FAM171B: variants seen among roughly 807,000 people sequenced by gnomAD.
The protein encoded by FAM171B is protein FAM171B.
FAM171B carries 19 observed loss-of-function variants against 75.6 expected under a neutral mutation model. The ratio of observed to expected loss-of-function variants is 0.25; its 90% CI spans 0.18 to 0.37. FAM171B has a LOEUF of 0.37. Among genes scored for constraint, FAM171B ranks in the 10% least tolerant of loss-of-function variants. FAM171B has a pLI of 1.00. For missense variants in FAM171B, 848 were observed against 982.4 expected, an observed-to-expected ratio of 0.86 and a Z score of 1.83; for synonymous variants, 367 against 361.7, an observed-to-expected ratio of 1.01 and a Z score of -0.17.
chr2:186,743,716 T>C, intron 3 of FAM171B, 141 bp downstream of exon 3: 1 of 576,910 alleles, frequency 1.7e-6, no homozygotes, highest in East Asian at 3.1e-5. Context: ...TAAGTTGATC[T>C]GAACTGATAT....
intron 1 of FAM171B, among the ~76,000 whole-genome samples, chr2:186,739,189 G>C (rs1032038573): frequency 6.6e-6 from 1 of 152,124 alleles, no homozygotes; most frequent in African/African-American, 2.4e-5. Flanking sequence ...CATACAGCTT[G>C]CAGGACTGGA....
At chr2:186,716,363 T>A (rs778712299) in intron 1 of FAM171B, among the ~76,000 whole-genome samples, 48 of 152,352 alleles carry the variant, frequency 3.2e-4, no homozygotes, top group Non-Finnish European at 4.9e-4. Context: ...AGCCTCATTT[T>A]CATCCCTTTT....
chr2:186,729,844 T>A (rs1690088024), intron 1 of FAM171B, among the ~76,000 whole-genome samples: 2 of 152,204 alleles, frequency 1.3e-5, no homozygotes, highest in Non-Finnish European at 2.9e-5. Context: ...AAATCCCTAA[T>A]GCTTTTCAAT....
At chr2:186,698,296 GA>G (rs1342015246) in intron 1 of FAM171B, among the ~76,000 whole-genome samples, 1 of 152,274 alleles carries the variant, frequency 6.6e-6, no homozygotes, top group East Asian at 1.9e-4. Context: ...AGCTTCTTGA[GA>G]GGTATATTTT....
intron 1 of FAM171B, among the ~76,000 whole-genome samples, chr2:186,709,802 A>G (rs1028243532): frequency 6.6e-6 from 1 of 152,322 alleles, no homozygotes; most frequent in East Asian, 1.9e-4. Context: ...GCAGTGAGTG[A>G]TTTAAAATAT....
chr2:186,734,785 C>T (rs571291961), intron 1 of FAM171B, among the ~76,000 whole-genome samples: 198 of 152,226 alleles, frequency 1.3e-3, no homozygotes, highest in Non-Finnish European at 2.6e-3. Flanking sequence ...TGTTTCCCAC[C>T]TGTGGCCATG....
intron 6 of FAM171B, among the ~76,000 whole-genome samples, chr2:186,758,894 G>A (rs570792947): frequency 1.7e-4 from 26 of 152,022 alleles, no homozygotes; most frequent in African/African-American, 6.3e-4. Flanking sequence ...GTTGTACTAT[G>A]AAAATACTAG....
In FAM171B at chr2:186,762,132, C is replaced by T. The variant is rs1222486001; in HGVS notation, c.1790C>T (p.Pro597Leu). Residue 597 changes from proline (P) to leucine (L), a missense_variant, in exon 8 of 8, where the codon CCC (proline) becomes CTC (leucine). Transcript: ENST00000304698. The surrounding 1 kb of genome is among the most constrained non-coding windows in gnomAD (Gnocchi z 4.0). ...PKMPIHSHAQ[P>L]PDAREEDIIL... is the part of the protein sequence containing the mutation. ...ATGCCAATTCATTCTCATGCACAGC[C>T]CCCAGATGCCAGGGAAGAGGATATC... 2 of 1,613,624 alleles carry T rather than the reference C, an allele frequency of 1.2e-6. No homozygotes were observed. The highest frequency in any genetic ancestry group is 1.1e-5 in the South Asian group (1 of 91,072).
At chr2:186,737,179 A>G (rs560664185) in intron 1 of FAM171B, among the ~76,000 whole-genome samples, 1 of 152,352 alleles carries the variant, frequency 6.6e-6, no homozygotes, top group East Asian at 1.9e-4. Flanking sequence ...ACCCGTTTAC[A>G]GGGGAAGAGA....
At chr2:186,695,413 G>GCCAGAAA (rs1186095508) in intron 1 of FAM171B, 20 of 152,284 alleles carry the variant, frequency 1.3e-4, no homozygotes, top group African/African-American at 4.8e-4. Flanking sequence ...TGGCACGAGG[G>GCCAGAAA]CTTAGGTTTT....
chr2:186,705,859 T>C (rs2594703), intron 1 of FAM171B, among the ~76,000 whole-genome samples: 141,767 of 152,278 alleles, frequency 0.93, 66,568 homozygotes, highest in Middle Eastern at 1. Flanking sequence ...GGTGGAATGG[T>C]TGCCAATATG....
rs1200992226 is a variant in FAM171B at position 186,754,164 on chromosome 2, T to C, written c.1012+115T>C. On this transcript the variant is annotated intron_variant, in intron 6 of 7. Coordinates refer to ENST00000304698, the MANE Select transcript of FAM171B (RefSeq NM_177454.4). ...CTGCCACTTACCAGCTATATGACAA[T>C]GGGAAAGGAACTTGATCTCAGCTTA... 5.5e-6 allele frequency: 4 copies of C among 724,260 alleles called. No individual in the cohort carries two copies. The Admixed American group carries it at 8.1e-5, about 15-fold the overall frequency. The allele number at this position is 724,260 out of a possible 1,614,324, so 44.9% of individuals were successfully genotyped here. A position where few individuals can be genotyped will look rare whatever the true frequency, so the allele number is the denominator to read the frequency against.
At chr2:186,730,346 G>A (rs1400793797) in intron 1 of FAM171B, among the ~76,000 whole-genome samples, 6 of 152,238 alleles carry the variant, frequency 3.9e-5, no homozygotes, top group Admixed American at 3.3e-4. Context: ...GACAATATGT[G>A]TAAAGTTTCC....
chr2:186,715,581 A>C (rs1295748482), intron 1 of FAM171B, among the ~76,000 whole-genome samples: 1 of 152,196 alleles, frequency 6.6e-6, no homozygotes, highest in Non-Finnish European at 1.5e-5. Context: ...ATGTCATAAT[A>C]TGCTCTGTTA....
chr2:186,737,031 C>A (rs1690212663), intron 1 of FAM171B, among the ~76,000 whole-genome samples: 1 of 152,140 alleles, frequency 6.6e-6, no homozygotes, highest in Non-Finnish European at 1.5e-5. Flanking sequence ...CTGTACTGGA[C>A]ACATTATTTC....
At chr2:186,702,781 T>C (rs1291479758) in intron 1 of FAM171B, among the ~76,000 whole-genome samples, 3 of 152,058 alleles carry the variant, frequency 2.0e-5, no homozygotes, top group African/African-American at 7.2e-5. Flanking sequence ...CAGTAATGTA[T>C]TACTCTTCAA....
At chr2:186,712,693 T>G (rs535462780) in intron 1 of FAM171B, among the ~76,000 whole-genome samples, 4 of 152,322 alleles carry the variant, frequency 2.6e-5, no homozygotes, top group African/African-American at 9.6e-5. Context: ...ATTTCTGCCT[T>G]TATTTTTGTC....
At chr2:186,718,570 T>G (rs1348981382) in intron 1 of FAM171B, among the ~76,000 whole-genome samples, 7 of 152,234 alleles carry the variant, frequency 4.6e-5, no homozygotes, top group Admixed American at 4.6e-4. Flanking sequence ...TATAATTTTG[T>G]ATGCCTTTCC....
chr2:186,694,452 G>C (rs1035561190), intron 1 of FAM171B, 41 bp downstream of exon 1: 1 of 1,587,822 alleles, frequency 6.3e-7, no homozygotes, highest in Non-Finnish European at 8.6e-7. Flanking sequence ...AGTCTCGGCC[G>C]GCGATCTCTT....
Sources: gnomAD v4.1 joint callset for allele counts (sites outside exome capture counted in the v4.1 genomes callset) on GRCh38, gnomAD v4.1.1 for gene constraint, Gnocchi (gnomAD v3.1) non-coding constraint, MANE v1.5 for transcripts, NCBI Gene and HGNC (gene_info 2026-07-23, HGNC 2026-07-21) for gene names.